The following ZNF221 variants were observed in gnomAD, a reference collection of about 807,000 sequenced individuals.
The protein encoded by ZNF221 is zinc finger protein 221.
ZNF221 carries 10 observed loss-of-function variants against 12.6 expected under a neutral mutation model. That is an observed-to-expected ratio of 0.79 (90% CI 0.49 to 1.34). The LOEUF (loss-of-function observed/expected upper bound fraction) is 1.34, where lower values mean the gene tolerates loss of function less well. Ranked by LOEUF, ZNF221 falls within the 40% of genes most tolerant of loss-of-function variation. ZNF221 has a pLI of 0.00. For synonymous variants in ZNF221, 232 were observed against 244.0 expected (o/e 0.95, Z 0.46); for missense variants, 661 against 721.4 (o/e 0.92, Z 0.96).
At chr19:43,954,425 A>G (rs1418202156) in intron 1 of ZNF221, among the ~76,000 whole-genome samples, 2 of 152,280 alleles carry the variant, frequency 1.3e-5, no homozygotes, top group Non-Finnish European at 1.5e-5. Flanking sequence ...CACCTTTGGA[A>G]GGGACATTAG....
At chr19:43,971,492 T>TA (rs1226312422), downstream of ZNF221, among the ~76,000 whole-genome samples, 2 of 152,128 alleles carry the variant, frequency 1.3e-5, no homozygotes, top group South Asian at 2.1e-4. Context: ...GACCGATTGA[T>TA]ACGCCGTGTT....
the ZNF221 span, among the ~76,000 whole-genome samples, chr19:43,981,560 A>G: frequency 6.6e-6 from 1 of 152,210 alleles, no homozygotes; most frequent in Non-Finnish European, 1.5e-5. Flanking sequence ...TGTTATATAA[A>G]CCACTCAATG....
rs1211807962 is a variant in ZNF221, at chr19:43,951,341, G to A, written c.-62G>A. ...TTCTGAATTTCCTGGACCTACTCTC[G>A]GAACCCTCAACGAGCTAGCGATAGA... On this transcript the variant is annotated 5_prime_UTR_variant, in exon 1 of 5. Transcript: ENST00000587682. 1 of 152,240 alleles carries A rather than the reference G, an allele frequency of 6.6e-6. No homozygotes were observed. Among genetic ancestry groups the A allele is most frequent in the Admixed American group, 6.5e-5 (1 of 15,288 alleles). 9.4% of individuals were successfully genotyped at this position (152,240 alleles called of 1,614,324 possible).
chr19:43,965,157 C>A (rs1369049434), intron 3 of ZNF221, 76 bp from the exon 4 acceptor site: 4 of 1,595,062 alleles, frequency 2.5e-6, no homozygotes, highest in Admixed American at 1.7e-5. Flanking sequence ...GCATTGGGAA[C>A]CTAAATTTCC....
Position 43,967,236 on chromosome 19 carries a change from G to A in ZNF221, c.1734G>A (p.Leu578=). The A allele has an allele frequency of 6.2e-7, 1 of 1,614,170 alleles. No homozygotes were observed. The highest frequency in any genetic ancestry group is 8.5e-7 in the Non-Finnish European group (1 of 1,180,034). The part of the protein sequence containing the change: ...GKSFGWASCL[L]KHQRLHSGEK... Reference sequence around the variant, plus strand: ...GCTTTGGCTGGGCTTCATGTCTTTTGAAACATCAGAGACTCCACAGTGGAG... The same window carrying A: ...GCTTTGGCTGGGCTTCATGTCTTTTAAAACATCAGAGACTCCACAGTGGAG... Residue 578 remains leucine (L), a synonymous_variant, in exon 5 of 5, where the codon TTG becomes TTA. Transcript: ENST00000587682.
intron 1 of ZNF221, among the ~76,000 whole-genome samples, chr19:43,961,310 C>G (rs1599815904): frequency 6.6e-6 from 1 of 152,144 alleles, no homozygotes; most frequent in East Asian, 1.9e-4. Context: ...TGTTAACACC[C>G]ATCAGCCAAA....
In ZNF221 at chr19:43,965,123, G is replaced by T. The variant is rs369647859; in HGVS notation, c.208+47G>T. On this transcript the variant is annotated intron_variant, in intron 3 of 4. Transcript: ENST00000587682. ...AACAGAATGTTAGGCCCCAGGAATG[G>T]CTTTGTATTCCAAGTTTGAGTATGC... The T allele has an allele frequency of 3.1e-6, 5 of 1,606,176 alleles. No homozygotes were observed. In the African/African-American group the frequency reaches 6.7e-5, roughly 22 times the overall value.
chr19:43,977,318 T>G, the ZNF221 span: 1 of 152,232 alleles, frequency 6.6e-6, no homozygotes, highest in Admixed American at 6.5e-5. Flanking sequence ...TGAAAAATTA[T>G]TAATATTAAT....
Position 43,967,059 on chromosome 19 carries a change from A to G in ZNF221, c.1557A>G (p.Ser519=). 6.3e-7 allele frequency: 1 copy of G among 1,598,186 alleles called. No homozygotes were observed. Among genetic ancestry groups the G allele is most frequent in the Non-Finnish European group, 8.5e-7 (1 of 1,169,732 alleles). The change falls in exon 5 of 5, where the codon TCA becomes TCG. Residue 519 remains serine (S), a synonymous_variant. Coordinates refer to ENST00000587682, the MANE Select transcript of ZNF221 (RefSeq NM_001297588.2). ...EECGKRFTQS[S]QLHSHQTCHT... Reference sequence around the variant, plus strand: ...GTGGAAAGAGATTTACTCAGAGTTCACAACTTCATTCCCATCAGACATGCC... The same window carrying G: ...GTGGAAAGAGATTTACTCAGAGTTCGCAACTTCATTCCCATCAGACATGCC...
the ZNF221 span, among the ~76,000 whole-genome samples, chr19:43,976,583 T>G: frequency 3.3e-5 from 5 of 152,194 alleles, no homozygotes; most frequent in African/African-American, 1.2e-4. Context: ...TTTGTGATTC[T>G]GCGTTTCTGT....
rs146558057 is a variant in ZNF221 at position 43,966,143 on chromosome 19, A to G, written c.641A>G (p.His214Arg). 1.0e-4 allele frequency: 163 copies of G among 1,614,222 alleles called. 1 individual carries two copies. In the African/African-American group the frequency reaches 1.7e-3, roughly 17 times the overall value. The change falls in exon 5 of 5, where the codon CAT becomes CGT. Residue 214 changes from histidine (H) to arginine (R), a missense_variant. Coordinates refer to ENST00000587682, the MANE Select transcript of ZNF221 (RefSeq NM_001297588.2). ...GKSFCYSPAL[H>R]IHQRVHMGEK... ...AGCTTCTGTTACAGCCCAGCCCTTC[A>G]TATTCATCAGAGAGTCCATATGGGA...
chr19:43,969,763 A>G (rs1382894712), downstream of ZNF221, among the ~76,000 whole-genome samples: 1 of 152,196 alleles, frequency 6.6e-6, no homozygotes, highest in East Asian at 1.9e-4. Context: ...TCTAATCTCT[A>G]CCTCAGATGG....
At chr19:43,959,773 T>C (rs1197116659) in intron 1 of ZNF221, among the ~76,000 whole-genome samples, 1 of 152,204 alleles carries the variant, frequency 6.6e-6, no homozygotes, top group East Asian at 1.9e-4. Flanking sequence ...TGAAACCTCT[T>C]TTCTTTATAA....
At chr19:43,958,457 G>A (rs549923975) in intron 1 of ZNF221, among the ~76,000 whole-genome samples, 3 of 152,278 alleles carry the variant, frequency 2.0e-5, no homozygotes, top group South Asian at 2.1e-4. Flanking sequence ...TGAGCAGTCC[G>A]CTTTTTCAGG....
Position 43,965,806 on chromosome 19 carries a change from G to A in ZNF221, c.304G>A (p.Gly102Ser), listed in dbSNP as rs1974935377. The A allele has an allele frequency of 6.3e-7, 1 of 1,582,442 alleles. No individual in the cohort carries two copies. The highest frequency in any genetic ancestry group is 1.4e-5 in the African/African-American group (1 of 73,622). ...ATATTAATTCTGTGTCTTTTTAGGA[G>A]GCAAGATCCAAATTGAGATGGAGAC... ...TTSQREGNSG[G>S]KIQIEMETVP... is the part of the protein sequence containing the mutation. Residue 102 changes from glycine (G) to serine (S), a missense_variant and splice_region_variant, in exon 5 of 5, where the codon GGC (glycine) becomes AGC (serine). Physicochemically the swap from Gly to Ser is moderately conservative, Grantham distance 56 (BLOSUM62 0). Transcript: ENST00000587682.
rs565146498 is a variant in ZNF221 at position 43,958,381 on chromosome 19, G to T, written c.-2-4344G>T. Among the ~76,000 whole-genome samples the T allele has an allele frequency of 6.8e-4, 104 of 152,280 alleles. 1 individual carries two copies. The highest frequency in any genetic ancestry group is 2.4e-3 in the African/African-American group (99 of 41,552). Reference sequence around the variant, plus strand: ...CCAGTCATCATAAATTCAGTCCCACGTGGCTTGCATGCGGTATATCAGCTG... The same window carrying T: ...CCAGTCATCATAAATTCAGTCCCACTTGGCTTGCATGCGGTATATCAGCTG... On this transcript the variant is annotated intron_variant, in intron 1 of 4. Transcript: ENST00000587682.
rs778510775 is a variant in ZNF221, at chr19:43,966,449, G to A, written c.947G>A (p.Gly316Asp). 24 of 1,614,004 alleles carry A rather than the reference G, an allele frequency of 1.5e-5. No homozygotes were observed. The highest frequency in any genetic ancestry group is 2.0e-5 in the Non-Finnish European group (24 of 1,180,030). ...AAGCCATTCAAATGTGATATATGTG[G>A]TAAGAGCTTCCGTGTTAGATCAAGA... ...GEKPFKCDICGKSFRVRSRLN... is the reference protein window; with the variant it reads ...GEKPFKCDICDKSFRVRSRLN... The change falls in exon 5 of 5, where the codon GGT becomes GAT. Residue 316 changes from glycine to aspartate, a missense_variant. Coordinates refer to ENST00000587682, the MANE Select transcript of ZNF221 (RefSeq NM_001297588.2).
chr19:43,965,803 G>A lies in ZNF221; in HGVS notation c.302-1G>A. 6.3e-7 allele frequency: 1 copy of A among 1,577,792 alleles called. No individual in the cohort carries two copies. The highest frequency in any genetic ancestry group is 8.6e-7 in the Non-Finnish European group (1 of 1,162,188). ...CATATATTAATTCTGTGTCTTTTTA[G>A]GAGGCAAGATCCAAATTGAGATGGA... On this transcript the variant is annotated splice_acceptor_variant, in intron 4 of 4. Transcript: ENST00000587682. LOFTEE classifies it high-confidence loss of function.
chr19:43,979,527 T>A, the ZNF221 span, among the ~76,000 whole-genome samples: 1 of 152,030 alleles, frequency 6.6e-6, no homozygotes, highest in African/African-American at 2.4e-5. Flanking sequence ...GTGGGCCTGA[T>A]GAATCACTTG....
Sources: allele counts gnomAD v4.1 joint callset (sites outside exome capture counted in the v4.1 genomes callset), GRCh38; gene constraint gnomAD v4.1.1; transcripts MANE v1.5; gene names NCBI Gene and HGNC (gene_info 2026-07-23, HGNC 2026-07-21).